The following FSTL4 variants were observed in gnomAD, a reference collection of about 807,000 sequenced individuals.
The protein encoded by FSTL4 is follistatin like 4.
Under a neutral mutation model 78.2 loss-of-function variants are expected in FSTL4, and 28 were observed. The ratio of observed to expected loss-of-function variants is 0.36; its 90% CI spans 0.27 to 0.49. FSTL4 has a LOEUF of 0.49. Ranked by LOEUF, FSTL4 falls within the 20% of genes least tolerant of loss-of-function variation. The pLI is 0.98. For missense variants in FSTL4, 922 were observed against 1,084.9 expected, an observed-to-expected ratio of 0.85 and a Z score of 2.11; for synonymous variants, 422 against 440.5, an observed-to-expected ratio of 0.96 and a Z score of 0.53.
At chr5:133,705,869 G>GCACACACA in the FSTL4 span, among the ~76,000 whole-genome samples, 4,863 of 147,862 alleles carry the variant, frequency 0.033, 105 homozygotes, top group Non-Finnish European at 0.047. Context: ...ACACACACAC[G>GCACACACA]CACACACACA....
At chr5:133,595,854 A>G (rs1002071186) in intron 2 of FSTL4, among the ~76,000 whole-genome samples, 5 of 152,210 alleles carry the variant, frequency 3.3e-5, no homozygotes, top group African/African-American at 1.2e-4. Context: ...CCTTAGCTCC[A>G]AAGCTGGCTA....
At chr5:133,314,636 A>G (rs1434491732) in intron 5 of FSTL4, among the ~76,000 whole-genome samples, 1 of 152,014 alleles carries the variant, frequency 6.6e-6, no homozygotes, top group East Asian at 1.9e-4. Flanking sequence ...GAGCAGGTGC[A>G]TGCAAGTCAG....
At chr5:133,287,652 C>T (rs1049664923) in intron 6 of FSTL4, among the ~76,000 whole-genome samples, 2 of 152,188 alleles carry the variant, frequency 1.3e-5, no homozygotes. Context: ...GCCTCTCATT[C>T]CAGGCCTCTA....
Position 133,316,544 on chromosome 5 carries a change from G to A in FSTL4, c.518C>T (p.Ser173Phe). The A allele has an allele frequency of 6.2e-7, 1 of 1,614,156 alleles. No homozygotes were observed. The highest frequency in any genetic ancestry group is 8.5e-7 in the Non-Finnish European group (1 of 1,179,976). Residue 173 changes from serine (S) to phenylalanine (F), a missense_variant, in exon 5 of 16, where the codon TCC becomes TTC. Ser to Phe is a radical substitution (Grantham distance 155, BLOSUM62 -2). Transcript: ENST00000265342. ...QEGDSRQDPA[S>F]QKRLLVESLF... ...AGATTCCACCAGGAGGCGCTTCTGGGAGGCAGGGTCTTGTCTGCTGTCTCC... is the reference window on the plus strand; with the variant it reads ...AGATTCCACCAGGAGGCGCTTCTGGAAGGCAGGGTCTTGTCTGCTGTCTCC...
chr5:133,330,831 T>C (rs1309604341), intron 4 of FSTL4, among the ~76,000 whole-genome samples: 2 of 152,184 alleles, frequency 1.3e-5, no homozygotes, highest in Non-Finnish European at 2.9e-5. Flanking sequence ...GTGGCCTTAC[T>C]TCTTTTCACA....
chr5:133,396,211 C>T (rs959210613), intron 4 of FSTL4, among the ~76,000 whole-genome samples: 5 of 152,342 alleles, frequency 3.3e-5, no homozygotes, highest in East Asian at 1.9e-4. Flanking sequence ...GATGTTACAA[C>T]GGCACCAGCA....
At chr5:133,625,136 A>G in the FSTL4 span, among the ~76,000 whole-genome samples, 1 of 151,772 alleles carries the variant, frequency 6.6e-6, no homozygotes, top group African/African-American at 2.4e-5. Context: ...CTAGCTTCAT[A>G]ATATGAACTG....
chr5:133,743,193 A>G, the FSTL4 span, among the ~76,000 whole-genome samples: 4 of 152,188 alleles, frequency 2.6e-5, no homozygotes, highest in African/African-American at 4.8e-5. Flanking sequence ...GCAGAGTCCA[A>G]GCTCTCATTT....
chr5:133,563,973 A>G (rs912511731), intron 3 of FSTL4, among the ~76,000 whole-genome samples: 22 of 152,308 alleles, frequency 1.4e-4, no homozygotes, highest in Admixed American at 1.3e-4. Flanking sequence ...AACCAGAGAA[A>G]TGGATTTTCT....
At chr5:133,476,929 T>C (rs1757936854) in intron 3 of FSTL4, among the ~76,000 whole-genome samples, 1 of 152,200 alleles carries the variant, frequency 6.6e-6, no homozygotes, top group Admixed American at 6.5e-5. Context: ...ACCTAAAGTT[T>C]ACACCCATGA....
At chr5:133,509,745 G>A (rs455728) in intron 3 of FSTL4, among the ~76,000 whole-genome samples, 9,826 of 152,318 alleles carry the variant, frequency 0.065, 356 homozygotes, top group Non-Finnish European at 0.077. Context: ...GGCCTAACAC[G>A]ATAACATATG....
At chr5:133,646,010 C>T in the FSTL4 span, among the ~76,000 whole-genome samples, 2 of 152,118 alleles carry the variant, frequency 1.3e-5, no homozygotes, top group Admixed American at 6.5e-5. Context: ...GATGAATATA[C>T]CAAGTACTGG....
intron 4 of FSTL4, among the ~76,000 whole-genome samples, chr5:133,335,900 T>G (rs558985291): frequency 6.6e-6 from 1 of 152,270 alleles, no homozygotes; most frequent in East Asian, 1.9e-4. Flanking sequence ...TGGAATGAAC[T>G]AATGGATCCC....
the FSTL4 span, among the ~76,000 whole-genome samples, chr5:133,840,869 G>A: frequency 6.6e-6 from 1 of 152,230 alleles, no homozygotes; most frequent in Non-Finnish European, 1.5e-5. Flanking sequence ...AGCACACAAA[G>A]ATTTTCCAAA....
rs534197986 is a variant in FSTL4, at chr5:133,510,383, T to A, written c.160+56803A>T. Among the ~76,000 whole-genome samples the A allele has an allele frequency of 2.6e-5, 4 of 152,270 alleles. No individual in the cohort carries two copies. In the East Asian group the frequency reaches 7.7e-4, roughly 29 times the overall value. ...AAATGAGCTCCTGCTTATTTCTATATAAAAAATTACCTTTCAAACCCCAAG... is the reference window on the plus strand; with the variant it reads ...AAATGAGCTCCTGCTTATTTCTATAAAAAAAATTACCTTTCAAACCCCAAG... On this transcript the variant is annotated intron_variant, in intron 3 of 15. Coordinates refer to ENST00000265342, the MANE Select transcript of FSTL4 (RefSeq NM_015082.2).
At chr5:133,734,707 T>A in the FSTL4 span, among the ~76,000 whole-genome samples, 1 of 152,244 alleles carries the variant, frequency 6.6e-6, no homozygotes, top group Non-Finnish European at 1.5e-5. Flanking sequence ...GCCCTTTCAA[T>A]TTGTATACAT....
intron 4 of FSTL4, among the ~76,000 whole-genome samples, chr5:133,348,072 G>C (rs1754735252): frequency 6.6e-6 from 1 of 152,144 alleles, no homozygotes; most frequent in Non-Finnish European, 1.5e-5. Context: ...TTTCTCCTAA[G>C]TTCTTCCACC....
the FSTL4 span, among the ~76,000 whole-genome samples, chr5:133,666,844 G>A: frequency 6.6e-6 from 1 of 152,254 alleles, no homozygotes; most frequent in South Asian, 2.1e-4. Context: ...CTTAAGTGTT[G>A]TCTTTTACTT....
At chr5:133,201,563 A>G (rs981018644) in intron 15 of FSTL4, among the ~76,000 whole-genome samples, 1 of 152,214 alleles carries the variant, frequency 6.6e-6, no homozygotes, top group Non-Finnish European at 1.5e-5. Flanking sequence ...CATCTATAAC[A>G]TAGGGGTTAA....
Sources: allele counts gnomAD v4.1 joint callset (sites outside exome capture counted in the v4.1 genomes callset), GRCh38; gene constraint gnomAD v4.1.1; transcripts MANE v1.5; gene names NCBI Gene and HGNC (gene_info 2026-07-23, HGNC 2026-07-21).